The following CADPS2 variants were observed in gnomAD, a reference collection of about 807,000 sequenced individuals.
CADPS2 encodes calcium-dependent secretion activator 2.
A neutral mutation model predicts 172.5 loss-of-function variants in CADPS2; 93 were observed. The observed-to-expected ratio is 0.54, with a 90% CI of 0.46 to 0.64. The LOEUF (loss-of-function observed/expected upper bound fraction) is 0.64, where lower values mean the gene tolerates loss of function less well. Ranked by LOEUF, CADPS2 falls within the 30% of genes least tolerant of loss-of-function variation. The pLI is 0.00. For missense variants in CADPS2, 1,420 were observed against 1,565.9 expected (o/e 0.91, Z 1.57); for synonymous variants, 546 against 555.2 (o/e 0.98, Z 0.23).
chr7:122,471,460 C>T lies in CADPS2; in HGVS notation c.2101G>A (p.Glu701Lys). The change falls in exon 14 of 30, where the codon GAA (glutamate) becomes AAA (lysine). Residue 701 changes from glutamate (E) to lysine (K), a missense_variant. Glu to Lys is a moderately conservative substitution (Grantham distance 56). Coordinates refer to ENST00000449022, the MANE Select transcript of CADPS2 (RefSeq NM_017954.11). ...ATGACAGCACCATTTTCTGAATGTTCCATCAGTTCTGCAAGGTAGCAGAGA... is the reference window on the plus strand; with the variant it reads ...ATGACAGCACCATTTTCTGAATGTTTCATCAGTTCTGCAAGGTAGCAGAGA... The part of the protein sequence containing the change: ...RHLCYLAELM[E>K]HSENGAVIDP... The T allele has an allele frequency of 6.2e-7, 1 of 1,613,416 alleles. No individual in the cohort carries two copies. Among genetic ancestry groups the T allele is most frequent in the Non-Finnish European group, 8.5e-7 (1 of 1,179,690 alleles).
chr7:122,327,692 A>G (rs1311863853), intron 28 of CADPS2, among the ~76,000 whole-genome samples: 2 of 152,044 alleles, frequency 1.3e-5, no homozygotes, highest in Admixed American at 6.6e-5. Context: ...GAAAAGACAT[A>G]TAATGTAACA....
chr7:122,655,287 T>C lies in CADPS2; in HGVS notation c.786+7950A>G, dbSNP rs1001980165. ...GAAAAATGTTCTTCTGTGGGTAAAA[T>C]ACTATCAAACAGTATCACATACTAT... On this transcript the variant is annotated intron_variant, in intron 3 of 29. Coordinates refer to ENST00000449022, the MANE Select transcript of CADPS2 (RefSeq NM_017954.11). Among the ~76,000 whole-genome samples the C allele has an allele frequency of 5.9e-5, 9 of 152,244 alleles. 1 individual carries two copies. Among genetic ancestry groups the C allele is most frequent in the Admixed American group, 4.6e-4 (7 of 15,284 alleles).
chr7:122,725,394 G>T (rs1268668099), intron 2 of CADPS2, among the ~76,000 whole-genome samples: 3 of 151,700 alleles, frequency 2.0e-5, no homozygotes, highest in Non-Finnish European at 4.4e-5. Flanking sequence ...TATGTGGATG[G>T]ATGGATGGAT....
intron 2 of CADPS2, among the ~76,000 whole-genome samples, chr7:122,721,486 C>G (rs1197240934): frequency 6.6e-6 from 1 of 152,010 alleles, no homozygotes; most frequent in African/African-American, 2.4e-5. Context: ...AAGACTAAAG[C>G]AGGAAGAAGT....
intron 6 of CADPS2, among the ~76,000 whole-genome samples, chr7:122,595,297 GA>G (rs2071583155): frequency 6.6e-6 from 1 of 152,018 alleles, no homozygotes; most frequent in Non-Finnish European, 1.5e-5. Flanking sequence ...TTCAGCATAT[GA>G]AAAGTAAGAG....
intron 6 of CADPS2, among the ~76,000 whole-genome samples, chr7:122,601,301 G>T (rs2072735048): frequency 6.6e-6 from 1 of 151,902 alleles, no homozygotes; most frequent in South Asian, 2.1e-4. Context: ...CGGCAAAAAA[G>T]GAAAGTTAAA....
At chr7:122,489,983 T>C in intron 11 of CADPS2, 98 bp downstream of exon 11, 1 of 970,598 alleles carries the variant, frequency 1.0e-6, no homozygotes, top group South Asian at 1.6e-5. Flanking sequence ...TAGGAATCAA[T>C]TAATGATGTA....
intron 9 of CADPS2, among the ~76,000 whole-genome samples, chr7:122,498,651 G>A (rs943980755): frequency 1.3e-5 from 2 of 151,902 alleles, no homozygotes; most frequent in Admixed American, 1.3e-4. Context: ...CCCTGTCTAT[G>A]GAGGTTCTAA....
intron 26 of CADPS2, 27 bp from the exon 27 acceptor site, chr7:122,360,847 A>G: frequency 6.3e-7 from 1 of 1,581,244 alleles, no homozygotes; most frequent in Non-Finnish European, 8.6e-7. Flanking sequence ...AGAGATAATC[A>G]TGAGAATTAT....
At chr7:122,603,941 T>C (rs552793911) in intron 6 of CADPS2, among the ~76,000 whole-genome samples, 2 of 152,126 alleles carry the variant, frequency 1.3e-5, no homozygotes, top group Non-Finnish European at 2.9e-5. Flanking sequence ...AGTTATAAGA[T>C]GAACAAGTTC....
intron 7 of CADPS2, among the ~76,000 whole-genome samples, chr7:122,579,853 GA>G (rs1481304525): frequency 6.6e-6 from 1 of 151,992 alleles, no homozygotes; most frequent in Non-Finnish European, 1.5e-5. Flanking sequence ...AATGGAAGAG[GA>G]AATCTGGATT....
intron 5 of CADPS2, among the ~76,000 whole-genome samples, chr7:122,619,103 A>C (rs1315374716): frequency 6.6e-6 from 1 of 152,218 alleles, no homozygotes; most frequent in Non-Finnish European, 1.5e-5. Flanking sequence ...GCACAGAATA[A>C]CAATTCATAA....
intron 2 of CADPS2, among the ~76,000 whole-genome samples, chr7:122,716,553 T>C (rs950436088): frequency 1.3e-5 from 2 of 151,998 alleles, no homozygotes; most frequent in African/African-American, 2.4e-5. Flanking sequence ...CGGGGAGGGA[T>C]AGCATTAGGA....
intron 1 of CADPS2, among the ~76,000 whole-genome samples, chr7:122,741,462 A>G (rs1481476400): frequency 6.6e-6 from 1 of 152,186 alleles, no homozygotes; most frequent in African/African-American, 2.4e-5. Context: ...TTGAAACTCA[A>G]AACAGTTATG....
chr7:122,537,905 AAAT>A (rs1290834325), intron 8 of CADPS2, among the ~76,000 whole-genome samples: 1 of 151,874 alleles, frequency 6.6e-6, no homozygotes, highest in African/African-American at 2.4e-5. Context: ...AGAAGATTTT[AAAT>A]AATATTAATA....
intron 2 of CADPS2, chr7:122,702,602 T>C (rs2086332622): frequency 1.2e-6 from 2 of 1,613,634 alleles, no homozygotes; most frequent in African/African-American, 2.7e-5. Context: ...TGTGATCTCA[T>C]TTCCAACCTG....
At chr7:122,441,941 T>G (rs2151964755) in intron 15 of CADPS2, among the ~76,000 whole-genome samples, 1 of 152,306 alleles carries the variant, frequency 6.6e-6, no homozygotes, top group Middle Eastern at 3.4e-3. Flanking sequence ...TGAAATAATT[T>G]CCCTCATTTC....
In CADPS2 at chr7:122,345,688, T is replaced by G. The variant is rs377072400; in HGVS notation, c.3505-7A>C. ...CCAGATCCATTCCTGGTTTCTGTTG[T>G]GAAGGAAAAGCAGGGGGAACAAAAT... On this transcript the variant is annotated splice_polypyrimidine_tract_variant and splice_region_variant and intron_variant, in intron 27 of 29. Transcript: ENST00000449022. 26 of 1,569,696 alleles carry G rather than the reference T, an allele frequency of 1.7e-5. No individual in the cohort carries two copies. In the South Asian group the frequency reaches 2.7e-4, roughly 16 times the overall value.
chr7:122,870,937 T>C (rs900690945), intron 1 of CADPS2, among the ~76,000 whole-genome samples: 16 of 152,158 alleles, frequency 1.1e-4, no homozygotes, highest in African/African-American at 3.8e-4. Flanking sequence ...AGGAAACTTT[T>C]TGAAGATATA....
Sources: allele counts gnomAD v4.1 joint callset (sites outside exome capture counted in the v4.1 genomes callset), GRCh38; gene constraint gnomAD v4.1.1; transcripts MANE v1.5; gene names NCBI Gene and HGNC (gene_info 2026-07-23, HGNC 2026-07-21).